Variants in ANKFN1 observed in about 807,000 individuals in gnomAD.
ANKFN1 encodes the protein ankyrin repeat and fibronectin type III domain containing 1.
ANKFN1 carries 74 observed loss-of-function variants against 108.7 expected under a neutral mutation model. The observed-to-expected ratio is 0.68, with a 90% CI of 0.56 to 0.83. The LOEUF (loss-of-function observed/expected upper bound fraction) is 0.83, where lower values mean the gene tolerates loss of function less well. Ranked by LOEUF, ANKFN1 falls within the 40% of genes least tolerant of loss-of-function variation. The pLI is 0.00. For missense variants in ANKFN1, 1,505 were observed against 1,382.3 expected, an observed-to-expected ratio of 1.09 and a Z score of -1.41; for synonymous variants, 547 against 516.2, an observed-to-expected ratio of 1.06 and a Z score of -0.81.
Position 56,477,628 on chromosome 17 carries a change from G to T in ANKFN1, c.1914G>T (p.Lys638Asn), listed in dbSNP as rs2050551211. Reference protein sequence around the residue: ...QKLPNILCHVKIRENNNISRE... With the variant: ...QKLPNILCHVNIRENNNISRE... ...TGCCCAACATTCTCTGCCACGTGAA[G>T]ATCCGTGAAAACAATAATATTTCTA... The change falls in exon 16 of 21, where the codon AAG becomes AAT. Residue 638 changes from lysine to asparagine, a missense_variant. By Grantham distance (94) the Lys-to-Asn change is moderately conservative. Transcript: ENST00000682825. 6 of 1,612,788 alleles carry T rather than the reference G, an allele frequency of 3.7e-6. No homozygotes were observed. Among genetic ancestry groups the T allele is most frequent in the African/African-American group, 1.3e-5 (1 of 74,872 alleles).
intron 16 of ANKFN1, 69 bp downstream of exon 16, chr17:56,477,723 A>G (rs373252850): frequency 5.9e-6 from 9 of 1,535,452 alleles, no homozygotes; most frequent in Non-Finnish European, 8.0e-6. Context: ...TTGATGTGCC[A>G]GAAGGAAACT....
intron 4 of ANKFN1, among the ~76,000 whole-genome samples, chr17:56,118,972 T>C (rs557693375): frequency 1.6e-3 from 240 of 152,250 alleles, no homozygotes; most frequent in Non-Finnish European, 2.3e-3. Flanking sequence ...AGGAAGACAG[T>C]TGTGCTATTT....
chr17:56,079,635 G>T (rs1236729807), intron 4 of ANKFN1, among the ~76,000 whole-genome samples: 1 of 152,072 alleles, frequency 6.6e-6, no homozygotes, highest in African/African-American at 2.4e-5. Context: ...ATCAGGACTG[G>T]GCTGGATAAA....
intron 3 of ANKFN1, among the ~76,000 whole-genome samples, chr17:56,246,082 T>C (rs992998622): frequency 6.6e-6 from 1 of 152,162 alleles, no homozygotes; most frequent in East Asian, 1.9e-4. Flanking sequence ...CTCCTTTCTA[T>C]AGTTCCACAC....
chr17:56,292,482 G>T (rs1267303471), intron 3 of ANKFN1, among the ~76,000 whole-genome samples: 1 of 152,184 alleles, frequency 6.6e-6, no homozygotes, highest in Non-Finnish European at 1.5e-5. Context: ...TCTCTTGGAA[G>T]AAATGGAATG....
chr17:56,357,571 G>A (rs139636909), intron 6 of ANKFN1, among the ~76,000 whole-genome samples: 23 of 152,264 alleles, frequency 1.5e-4, no homozygotes, highest in South Asian at 2.1e-4. Context: ...TCTGTTCTGC[G>A]CACTAAGGTG....
At chr17:56,251,364 G>A (rs2043230985) in intron 3 of ANKFN1, among the ~76,000 whole-genome samples, 1 of 152,224 alleles carries the variant, frequency 6.6e-6, no homozygotes, top group Non-Finnish European at 1.5e-5. Context: ...CTGCACTCCA[G>A]CCTGGGCAAT....
intron 8 of ANKFN1, among the ~76,000 whole-genome samples, chr17:56,406,360 T>G (rs2047922061): frequency 6.6e-6 from 1 of 152,170 alleles, no homozygotes; most frequent in South Asian, 2.1e-4. Context: ...TTTCAATTCT[T>G]TCAGGGAGGA....
intron 1 of ANKFN1, among the ~76,000 whole-genome samples, chr17:56,177,301 C>G (rs1158592245): frequency 6.6e-6 from 1 of 152,252 alleles, no homozygotes; most frequent in African/African-American, 2.4e-5. Flanking sequence ...CCTCAGGCCA[C>G]TGTGTGCATG....
chr17:56,355,439 T>A (rs2046351292), intron 6 of ANKFN1, among the ~76,000 whole-genome samples: 1 of 151,922 alleles, frequency 6.6e-6, no homozygotes. Flanking sequence ...ACAAAAAAAG[T>A]CAGTGGGTCC....
At chr17:56,404,201 G>A (rs2047848937) in intron 8 of ANKFN1, among the ~76,000 whole-genome samples, 1 of 152,118 alleles carries the variant, frequency 6.6e-6, no homozygotes, top group African/African-American at 2.4e-5. Context: ...GTATTTGGAT[G>A]TCTAGGTCAC....
chr17:56,484,824 C>T (rs1048623974), intron 18 of ANKFN1, among the ~76,000 whole-genome samples: 1 of 152,176 alleles, frequency 6.6e-6, no homozygotes, highest in Non-Finnish European at 1.5e-5. Context: ...TCCATGATTA[C>T]AGGCAAAAAT....
Position 56,126,810 on chromosome 17 carries a change from T to C in ANKFN1, c.288+80485T>C, listed in dbSNP as rs146203767. ...CAGCACCAGGCTTTAAGATTGGTCC[T>C]GATGAAAGCAGAATGGGGTGAAAGA... On this transcript the variant is annotated intron_variant, in intron 4 of 12. Coordinates refer to the ANKFN1 transcript ENST00000635860. Among the ~76,000 whole-genome samples the C allele has an allele frequency of 1.2e-4, 18 of 152,344 alleles. No individual in the cohort carries two copies. The East Asian group carries it at 3.5e-3, about 29-fold the overall frequency.
intron 3 of ANKFN1, among the ~76,000 whole-genome samples, chr17:56,263,528 T>C (rs182075173): frequency 1.3e-5 from 2 of 152,364 alleles, no homozygotes; most frequent in Non-Finnish European, 2.9e-5. Context: ...AAGGTTAATT[T>C]ACAAGTTAGT....
chr17:56,337,238 C>T (rs772675569), intron 4 of ANKFN1, among the ~76,000 whole-genome samples: 21 of 152,130 alleles, frequency 1.4e-4, no homozygotes, highest in Non-Finnish European at 2.4e-4. Flanking sequence ...GTTAGGTCCA[C>T]TTCTTGCAGA....
chr17:56,149,771 A>G (rs1395276408), upstream of ANKFN1, among the ~76,000 whole-genome samples: 6 of 152,240 alleles, frequency 3.9e-5, no homozygotes, highest in Non-Finnish European at 8.8e-5. Flanking sequence ...ACATGTGTCT[A>G]CACACCTGGC....
chr17:56,059,235 T>C (rs1275484338), intron 4 of ANKFN1, among the ~76,000 whole-genome samples: 1 of 152,244 alleles, frequency 6.6e-6, no homozygotes, highest in Non-Finnish European at 1.5e-5. Context: ...AATGTCTTCT[T>C]TGAGAAGTCT....
chr17:56,255,202 T>C (rs1461068496), intron 3 of ANKFN1, among the ~76,000 whole-genome samples: 1 of 152,202 alleles, frequency 6.6e-6, no homozygotes, highest in Non-Finnish European at 1.5e-5. Context: ...AAGATGGTAC[T>C]GTTGGTTGTA....
intron 8 of ANKFN1, among the ~76,000 whole-genome samples, chr17:56,433,729 T>C (rs2048838331): frequency 6.6e-6 from 1 of 151,960 alleles, no homozygotes; most frequent in Admixed American, 6.6e-5. Context: ...GGGTGCAGTG[T>C]ATACTGCCCG....
Sources: allele counts gnomAD v4.1 joint callset (sites outside exome capture counted in the v4.1 genomes callset), GRCh38; gene constraint gnomAD v4.1.1; transcripts MANE v1.5; gene names NCBI Gene and HGNC (gene_info 2026-07-23, HGNC 2026-07-21).